The following PAWR variants were observed in gnomAD, a reference collection of about 807,000 sequenced individuals.
PAWR encodes pro-apoptotic WT1 regulator, also known as PRKC apoptosis WT1 regulator protein.
In PAWR, 23 loss-of-function variants were observed where a neutral mutation model predicts 32.0. That is an observed-to-expected ratio of 0.72 (90% CI 0.52 to 1.02). The LOEUF (loss-of-function observed/expected upper bound fraction) is 1.02. Among genes scored for constraint, PAWR ranks in the 50% least tolerant of loss-of-function variants. The pLI, the probability that PAWR is intolerant of heterozygous loss-of-function variation, is 0.00. For synonymous variants in PAWR, 226 were observed against 187.1 expected, an observed-to-expected ratio of 1.21 and a Z score of -1.70; for missense variants, 457 against 437.7, an observed-to-expected ratio of 1.04 and a Z score of -0.39.
At chr12:79,641,847 A>C (rs1316581912) in intron 2 of PAWR, among the ~76,000 whole-genome samples, 1 of 5,018 alleles carries the variant, frequency 2.0e-4, no homozygotes, top group Non-Finnish European at 3.7e-4. Context: ...CTCCGTCTCA[A>C]AAAAAAAAAA....
rs1014305366 is a variant in PAWR at position 79,690,143 on chromosome 12, C to G, written c.102G>C (p.Gln34His). The part of the protein sequence containing the change: ...KAKREKMRAK[Q>H]NPPGPAPPGG... ...CCGGGGGGGCCGGGCCCGGGGGGTTCTGCTTGGCGCGCATCTTCTCGCGTT... is the reference window on the plus strand; with the variant it reads ...CCGGGGGGGCCGGGCCCGGGGGGTTGTGCTTGGCGCGCATCTTCTCGCGTT... Residue 34 changes from glutamine (Q) to histidine (H), a missense_variant, in exon 2 of 7, where the codon CAG becomes CAC. Physicochemically the swap from Gln to His is conservative, Grantham distance 24. Coordinates refer to ENST00000328827, the MANE Select transcript of PAWR (RefSeq NM_002583.4). 26 of 1,522,462 alleles carry G rather than the reference C, an allele frequency of 1.7e-5. No individual in the cohort carries two copies. The highest frequency in any genetic ancestry group is 2.3e-5 in the Non-Finnish European group (26 of 1,138,206). 94.3% of individuals were successfully genotyped at this position (1,522,462 alleles called of 1,614,324 possible).
At chr12:79,647,675 C>T (rs1457735921) in intron 2 of PAWR, among the ~76,000 whole-genome samples, 2 of 152,078 alleles carry the variant, frequency 1.3e-5, no homozygotes, top group South Asian at 2.1e-4. Context: ...TGCATATCTG[C>T]CTTTTACAGA....
chr12:79,651,136 G>A (rs1484907268), intron 2 of PAWR, among the ~76,000 whole-genome samples: 1 of 152,140 alleles, frequency 6.6e-6, no homozygotes, highest in African/African-American at 2.4e-5. Context: ...AAATGGCCTT[G>A]AACAGAAAGA....
chr12:79,653,560 A>C (rs1425129870), intron 2 of PAWR, among the ~76,000 whole-genome samples: 1 of 151,836 alleles, frequency 6.6e-6, no homozygotes, highest in African/African-American at 2.4e-5. Flanking sequence ...GCTCACTGCA[A>C]CCTCCACTGC....
At chr12:79,681,215 A>C (rs906644059) in intron 2 of PAWR, among the ~76,000 whole-genome samples, 2 of 152,084 alleles carry the variant, frequency 1.3e-5, no homozygotes, top group African/African-American at 4.8e-5. Context: ...TGGGCTAATC[A>C]AAAAGCCACA....
intron 2 of PAWR, among the ~76,000 whole-genome samples, chr12:79,662,484 T>C (rs1255575370): frequency 6.6e-6 from 1 of 152,192 alleles, no homozygotes; most frequent in Admixed American, 6.5e-5. Flanking sequence ...GTATTTACTG[T>C]ATGAGGAAAT....
chr12:79,662,127 C>T (rs1877380261), intron 2 of PAWR, among the ~76,000 whole-genome samples: 1 of 143,462 alleles, frequency 7.0e-6, no homozygotes, highest in Non-Finnish European at 1.5e-5. Flanking sequence ...ACAGCTACTT[C>T]AGAGGCTGAG....
intron 2 of PAWR, among the ~76,000 whole-genome samples, chr12:79,673,473 T>C (rs1188520442): frequency 2.0e-5 from 3 of 152,248 alleles, no homozygotes; most frequent in African/African-American, 4.8e-5. Context: ...GTTTGCTTCC[T>C]GTTCTGTCAG....
At chr12:79,668,816 G>A (rs151211703) in intron 2 of PAWR, among the ~76,000 whole-genome samples, 24 of 152,262 alleles carry the variant, frequency 1.6e-4, no homozygotes, top group African/African-American at 5.5e-4. Context: ...GGACCAGTAC[G>A]GGTCTACGGC....
intron 2 of PAWR, among the ~76,000 whole-genome samples, chr12:79,670,589 C>T (rs1877842204): frequency 6.6e-6 from 1 of 152,024 alleles, no homozygotes; most frequent in Non-Finnish European, 1.5e-5. Flanking sequence ...AAAAATAATT[C>T]CTGAGACAGC....
chr12:79,593,846 G>A (rs1873648508), intron 6 of PAWR, among the ~76,000 whole-genome samples: 1 of 151,198 alleles, frequency 6.6e-6, no homozygotes, highest in South Asian at 2.1e-4. Flanking sequence ...GAGATTACAG[G>A]TGCCCACCAC....
At chr12:79,657,393 T>C (rs951271616) in intron 2 of PAWR, among the ~76,000 whole-genome samples, 1 of 151,860 alleles carries the variant, frequency 6.6e-6, no homozygotes, top group African/African-American at 2.4e-5. Flanking sequence ...TGCAGTTTAC[T>C]GTAGGTCACC....
At chr12:79,601,203 C>T (rs1873947892) in intron 4 of PAWR, among the ~76,000 whole-genome samples, 1 of 143,544 alleles carries the variant, frequency 7.0e-6, no homozygotes, top group East Asian at 2.1e-4. Context: ...AGCAGGAAAC[C>T]TGAATTTTTT....
intron 4 of PAWR, among the ~76,000 whole-genome samples, chr12:79,600,481 G>A (rs2136678937): frequency 6.6e-6 from 1 of 151,438 alleles, no homozygotes; most frequent in South Asian, 2.1e-4. Context: ...CTTTTTTGGG[G>A]GGGCGGGGGG....
rs201886013 is a variant in PAWR at position 79,626,708 on chromosome 12, T to C, written c.517-5501A>G. Among the ~76,000 whole-genome samples the C allele has an allele frequency of 1.4e-4, 22 of 152,092 alleles. No individual in the cohort carries two copies. In the East Asian group the frequency reaches 3.9e-3, roughly 27 times the overall value. On this transcript the variant is annotated intron_variant, in intron 2 of 6. Coordinates refer to ENST00000328827, the MANE Select transcript of PAWR (RefSeq NM_002583.4). ...GCACCCATTAACTCGTCATTTAACA[T>C]TAGGTATATCTCCTAATGCTATCCC...
chr12:79,602,732 G>A lies in PAWR; in HGVS notation c.684-6074C>T, dbSNP rs923379990. On this transcript the variant is annotated intron_variant, in intron 4 of 6. Transcript: ENST00000328827. ...ATATTTAATAGCTGTTGATTATACAGGTATGGAGCTACAGGCATATGCCAC... is the reference window on the plus strand; with the variant it reads ...ATATTTAATAGCTGTTGATTATACAAGTATGGAGCTACAGGCATATGCCAC... Among the ~76,000 whole-genome samples the A allele has an allele frequency of 6.6e-5, 10 of 151,720 alleles. No homozygotes were observed. In the East Asian group the frequency reaches 1.9e-3, roughly 29 times the overall value.
intron 2 of PAWR, among the ~76,000 whole-genome samples, chr12:79,666,238 A>T (rs1877597261): frequency 6.6e-6 from 1 of 152,212 alleles, no homozygotes; most frequent in Non-Finnish European, 1.5e-5. Context: ...AATGAATGCA[A>T]TAAAGCTTCT....
intron 2 of PAWR, among the ~76,000 whole-genome samples, chr12:79,678,354 G>A (rs1177277406): frequency 6.6e-6 from 1 of 152,136 alleles, no homozygotes; most frequent in African/African-American, 2.4e-5. Flanking sequence ...CAACACAATT[G>A]GTCCATATCA....
intron 2 of PAWR, among the ~76,000 whole-genome samples, chr12:79,657,563 G>C (rs189882149): frequency 7.2e-5 from 11 of 152,226 alleles, no homozygotes; most frequent in African/African-American, 2.6e-4. Flanking sequence ...AGGCTGAGGC[G>C]GGCGGATCAC....
Sources: allele counts gnomAD v4.1 joint callset (sites outside exome capture counted in the v4.1 genomes callset), GRCh38; gene constraint gnomAD v4.1.1; transcripts MANE v1.5; gene names NCBI Gene and HGNC (gene_info 2026-07-23, HGNC 2026-07-21).